Variants in DCC observed in about 807,000 individuals in gnomAD.
The protein encoded by DCC is DCC netrin 1 receptor, also known as netrin receptor DCC.
Under a neutral mutation model 172.5 loss-of-function variants are expected in DCC, and 58 were observed. The observed-to-expected ratio is 0.34, with a 90% CI of 0.27 to 0.42. The LOEUF (loss-of-function observed/expected upper bound fraction) is 0.42. DCC is among the 10% of genes least tolerant of loss of function. The pLI is 1.00. For synonymous variants in DCC, 709 were observed against 644.5 expected (o/e 1.10, Z -1.52); for missense variants, 1,740 against 1,791.0 (o/e 0.97, Z 0.51).
At chr18:52,659,294 T>A (rs2035313615) in intron 1 of DCC, among the ~76,000 whole-genome samples, 1 of 152,060 alleles carries the variant, frequency 6.6e-6, no homozygotes, top group Admixed American at 6.6e-5. Context: ...CAAAATACCA[T>A]GACACTATCC....
At chr18:53,514,530 A>G (rs2046307729) in intron 27 of DCC, among the ~76,000 whole-genome samples, 1 of 152,218 alleles carries the variant, frequency 6.6e-6, no homozygotes, top group Non-Finnish European at 1.5e-5. Flanking sequence ...TGAAAGGATC[A>G]ACAAAATTGA....
At chr18:52,954,849 T>C (rs923737511) in intron 5 of DCC, among the ~76,000 whole-genome samples, 3 of 152,182 alleles carry the variant, frequency 2.0e-5, no homozygotes. Flanking sequence ...CATAACTGAA[T>C]ACCAGCTTAA....
At chr18:52,902,158 A>G (rs550398158) in intron 2 of DCC, among the ~76,000 whole-genome samples, 1 of 152,318 alleles carries the variant, frequency 6.6e-6, no homozygotes, top group Admixed American at 6.5e-5. Flanking sequence ...ATTGTTTTGC[A>G]GAAGTTGTGG....
chr18:53,473,595 T>C (rs1048723893), intron 25 of DCC, among the ~76,000 whole-genome samples: 1 of 152,174 alleles, frequency 6.6e-6, no homozygotes, highest in Non-Finnish European at 1.5e-5. Flanking sequence ...ACTTGGTAAA[T>C]ACCTTGCTAA....
intron 1 of DCC, among the ~76,000 whole-genome samples, chr18:52,547,739 C>A (rs994887627): frequency 6.6e-6 from 1 of 152,092 alleles, no homozygotes; most frequent in South Asian, 2.1e-4. Flanking sequence ...GAAGGAACAG[C>A]ATGAGCAAAG....
At chr18:53,280,714 T>C (rs1264350511) in intron 12 of DCC, among the ~76,000 whole-genome samples, 1 of 152,090 alleles carries the variant, frequency 6.6e-6, no homozygotes, top group Non-Finnish European at 1.5e-5. Flanking sequence ...CAATTTTGGT[T>C]CTGAATGTAA....
At chr18:52,965,907 T>A (rs1322604269) in intron 5 of DCC, among the ~76,000 whole-genome samples, 4 of 152,168 alleles carry the variant, frequency 2.6e-5, no homozygotes, top group African/African-American at 7.2e-5. Context: ...CCCATGGGCA[T>A]CTTCCTTTCA....
chr18:52,544,363 C>T lies in DCC; in HGVS notation c.91+203485C>T, dbSNP rs143480747. 5.3e-3 allele frequency among the ~76,000 whole-genome samples: 802 copies of T among 152,236 alleles called. 14 individuals carry two copies. The highest frequency in any genetic ancestry group is 0.018 in the African/African-American group (765 of 41,546). ...GAATATTTTGACACCAGCCAAGGAA[C>T]AAGATGGTCATTTGGTCTATTTTTA... On this transcript the variant is annotated intron_variant, in intron 1 of 28. Transcript: ENST00000442544.
intron 5 of DCC, among the ~76,000 whole-genome samples, chr18:52,998,469 A>C (rs958551552): frequency 6.6e-6 from 1 of 152,112 alleles, no homozygotes; most frequent in Non-Finnish European, 1.5e-5. Flanking sequence ...TAATAGACTT[A>C]CTGGGAAATA....
At chr18:52,450,724 A>C (rs1329053586) in intron 1 of DCC, among the ~76,000 whole-genome samples, 2 of 152,170 alleles carry the variant, frequency 1.3e-5, no homozygotes, top group Non-Finnish European at 2.9e-5. Context: ...TTATTGTTGA[A>C]ATGTAGTAGA....
chr18:52,382,520 T>G (rs900388823), intron 1 of DCC, among the ~76,000 whole-genome samples: 1 of 152,170 alleles, frequency 6.6e-6, no homozygotes, highest in African/African-American at 2.4e-5. Flanking sequence ...GAGATAAGAC[T>G]GGAGTCAGAG....
intron 2 of DCC, among the ~76,000 whole-genome samples, chr18:52,879,294 T>TA (rs1266257876): frequency 2.6e-5 from 4 of 152,120 alleles, no homozygotes; most frequent in Non-Finnish European, 4.4e-5. Context: ...AACCTTAAGG[T>TA]ATTAAGCATT....
At chr18:53,377,352 T>TGTGCATTTGAGAGAGA (rs1907363322) in intron 15 of DCC, among the ~76,000 whole-genome samples, 1 of 137,298 alleles carries the variant, frequency 7.3e-6, no homozygotes. Context: ...AAGATGCATT[T>TGTGCATTTGAGAGAGA]GAGAGAGAGA....
At chr18:52,396,284 C>A (rs887882258) in intron 1 of DCC, among the ~76,000 whole-genome samples, 5 of 122,728 alleles carry the variant, frequency 4.1e-5, no homozygotes, top group Admixed American at 9.1e-5. Flanking sequence ...GCACCACACC[C>A]CCCCCCCACC....
chr18:53,388,098 A>G (rs1908294247), intron 16 of DCC, among the ~76,000 whole-genome samples: 1 of 152,218 alleles, frequency 6.6e-6, no homozygotes, highest in African/African-American at 2.4e-5. Context: ...GATGACTCAG[A>G]TCTTAAAGGA....
intron 1 of DCC, among the ~76,000 whole-genome samples, chr18:52,524,890 A>AT (rs34077835): frequency 0.14 from 20,540 of 151,584 alleles, 1,483 homozygotes; most frequent in South Asian, 0.22. Context: ...AGGTTTTTAG[A>AT]TTTTTTTTTA....
At chr18:52,408,354 A>T (rs1986727096) in intron 1 of DCC, among the ~76,000 whole-genome samples, 1 of 152,040 alleles carries the variant, frequency 6.6e-6, no homozygotes. Context: ...CTTTTTAAAA[A>T]TTTTTATTAA....
chr18:53,337,222 T>A lies in DCC; in HGVS notation c.2165-2491T>A, dbSNP rs563499719. Among the ~76,000 whole-genome samples, 851 of 152,368 alleles carry A rather than the reference T, an allele frequency of 5.6e-3. 6 individuals are homozygous for A. The highest frequency in any genetic ancestry group is 0.024 in the Admixed American group (374 of 15,300). On this transcript the variant is annotated intron_variant, in intron 14 of 28. Coordinates refer to ENST00000442544, the MANE Select transcript of DCC (RefSeq NM_005215.4). ...CAGTTTTTCCTTTTATTCTAAAAGA[T>A]GTTAAATATTGTCATTAAAATCATT... is the stretch of plus-strand genomic sequence containing the variant.
intron 5 of DCC, among the ~76,000 whole-genome samples, chr18:52,974,263 A>G (rs538384146): frequency 3.9e-5 from 6 of 152,332 alleles, no homozygotes; most frequent in Non-Finnish European, 7.4e-5. Flanking sequence ...CGTAGGTAGC[A>G]TAATGTCCTG....
Sources: gnomAD v4.1 joint callset for allele counts (sites outside exome capture counted in the v4.1 genomes callset) on GRCh38, gnomAD v4.1.1 for gene constraint, MANE v1.5 for transcripts, NCBI Gene and HGNC (gene_info 2026-07-23, HGNC 2026-07-21) for gene names.